Variants in SVOP observed in about 807,000 individuals in gnomAD.
The protein encoded by SVOP is SV2 related protein.
In SVOP, 17 loss-of-function variants were observed where a neutral mutation model predicts 69.1. The ratio of observed to expected loss-of-function variants is 0.25; its 90% CI spans 0.17 to 0.37. The LOEUF (loss-of-function observed/expected upper bound fraction) is 0.37. Among genes scored for constraint, SVOP ranks in the 10% least tolerant of loss-of-function variants. The pLI is 1.00. For synonymous variants in SVOP, 238 were observed against 238.6 expected (o/e 1.00, Z 0.02); for missense variants, 435 against 597.5 (o/e 0.73, Z 2.84).
intron 11 of SVOP, among the ~76,000 whole-genome samples, chr12:108,928,623 G>T (rs566634696): frequency 2.7e-4 from 40 of 149,632 alleles, no homozygotes; most frequent in African/African-American, 9.8e-4. Flanking sequence ...CTGGAATGCA[G>T]TGGTACAATC....
intron 6 of SVOP, among the ~76,000 whole-genome samples, chr12:108,959,046 C>A (rs371189559): frequency 6.6e-6 from 1 of 152,210 alleles, no homozygotes; most frequent in Non-Finnish European, 1.5e-5. Context: ...CATCCTAGAA[C>A]AGGGACCATG....
At chr12:109,006,794 G>A (rs951711648) in intron 1 of SVOP, among the ~76,000 whole-genome samples, 4 of 152,154 alleles carry the variant, frequency 2.6e-5, no homozygotes, top group African/African-American at 7.2e-5. Context: ...GGAAAGGCAC[G>A]CTGGCAGGTG....
At chr12:108,952,220 TTTC>T (rs2039959340) in intron 6 of SVOP, among the ~76,000 whole-genome samples, 1 of 148,150 alleles carries the variant, frequency 6.7e-6, no homozygotes, top group African/African-American at 2.4e-5. Flanking sequence ...TCCACTTTTT[TTTC>T]TTTTCTCTTT....
chr12:108,920,816 C>T (rs1490861759), intron 12 of SVOP, among the ~76,000 whole-genome samples: 1 of 151,998 alleles, frequency 6.6e-6, no homozygotes, highest in Admixed American at 6.6e-5. Context: ...AGGCTGCTCT[C>T]GAACTCCTGA....
intron 1 of SVOP, among the ~76,000 whole-genome samples, chr12:108,984,981 C>A (rs930089491): frequency 1.7e-4 from 26 of 152,202 alleles, no homozygotes; most frequent in African/African-American, 5.1e-4. Context: ...AATCCCAGCA[C>A]TTTGGGAGGC....
chr12:108,968,617 C>G (rs374344910), intron 5 of SVOP, among the ~76,000 whole-genome samples: 4 of 152,082 alleles, frequency 2.6e-5, no homozygotes, highest in Admixed American at 6.6e-5. Context: ...GGTATTTTTA[C>G]TCATTTTCTG....
rs556522208 is a variant in SVOP, at chr12:108,956,158, TG to T, written c.578+4764del. Among the ~76,000 whole-genome samples the T allele has an allele frequency of 2.8e-3, 429 of 151,366 alleles. 2 individuals carry two copies. The highest frequency in any genetic ancestry group is 9.4e-3 in the African/African-American group (387 of 41,382). On this transcript the variant is annotated intron_variant, in intron 6 of 15. Transcript: ENST00000610966. Reference sequence around the variant, plus strand: ...TACTAAAAATACAAAAAAAATTAGCTGGGCGTGGTGTCAGGCGCCTGTAGTC... The same window carrying T: ...TACTAAAAATACAAAAAAAATTAGCTGGCGTGGTGTCAGGCGCCTGTAGTC...
rs1193690177 is a variant in SVOP at position 108,983,699 on chromosome 12, T to C, written c.98A>G (p.Glu33Gly). ...GACCCCTTCAATCTGGACTTCATGCTCTCCTGAAGCCGTGTCGTCCTCTGA... is the reference window on the plus strand; with the variant it reads ...GACCCCTTCAATCTGGACTTCATGCCCTCCTGAAGCCGTGTCGTCCTCTGA... ...ARSEDDTASG[E>G]HEVQIEGVHV... Residue 33 changes from glutamate to glycine, a missense_variant, in exon 2 of 16, where the codon GAG becomes GGG. Transcript: ENST00000610966. 1.0e-5 allele frequency: 4 copies of C among 398,670 alleles called. No individual in the cohort carries two copies. Among genetic ancestry groups the C allele is most frequent in the Admixed American group, 4.4e-5 (1 of 22,718 alleles). 24.7% of individuals were successfully genotyped at this position (398,670 alleles called of 1,614,324 possible).
intron 14 of SVOP, among the ~76,000 whole-genome samples, chr12:108,916,439 T>C (rs933992027): frequency 1.3e-5 from 2 of 152,222 alleles, no homozygotes; most frequent in Non-Finnish European, 2.9e-5. Flanking sequence ...CTTCTCAGCC[T>C]GGGCACTGTG....
chr12:109,002,958 T>TA (rs971080160), intron 1 of SVOP, among the ~76,000 whole-genome samples: 4 of 141,932 alleles, frequency 2.8e-5, no homozygotes, highest in East Asian at 4.1e-4. Flanking sequence ...TAAAGTATAA[T>TA]AAAAAAAATT....
chr12:108,916,016 G>A, intron 14 of SVOP, 144 bp from the exon 15 acceptor site: 1 of 732,114 alleles, frequency 1.4e-6, no homozygotes, highest in Non-Finnish European at 2.1e-6. Flanking sequence ...TAAGGGACAG[G>A]GATCCTCACC....
chr12:108,911,493 G>A lies in SVOP; in HGVS notation c.*1042C>T, dbSNP rs1156866156. On this transcript the variant is annotated 3_prime_UTR_variant, in exon 16 of 16. Transcript: ENST00000610966. ...GGAGGCCGAGGCGGGTGGATCACTT[G>A]AGGTCAGGAGTTCGAGACCAGCCTG... is the stretch of plus-strand genomic sequence containing the variant. 1 of 152,322 alleles carries A rather than the reference G, an allele frequency of 6.6e-6. No individual in the cohort carries two copies. Among genetic ancestry groups the A allele is most frequent in the African/African-American group, 2.4e-5 (1 of 41,426 alleles). 9.4% of individuals were successfully genotyped at this position (152,322 alleles called of 1,614,324 possible). A position where few individuals can be genotyped will look rare whatever the true frequency, so the allele number is the denominator to read the frequency against.
At position 108,911,782 on chromosome 12, in the gene SVOP, C is replaced by G. The variant is rs1280840461; in HGVS notation, c.*753G>C. Reference sequence around the variant, plus strand: ...CCTTCGCTGCTTCAGAAGGGGAGGCCCGTGCTCTGACTTCAGCTTGATTCA... The same window carrying G: ...CCTTCGCTGCTTCAGAAGGGGAGGCGCGTGCTCTGACTTCAGCTTGATTCA... On this transcript the variant is annotated 3_prime_UTR_variant, in exon 16 of 16. Coordinates refer to ENST00000610966, the MANE Select transcript of SVOP (RefSeq NM_018711.5). 6.6e-6 allele frequency: 1 copy of G among 152,198 alleles called. No homozygotes were observed. Among genetic ancestry groups the G allele is most frequent in the Non-Finnish European group, 1.5e-5 (1 of 68,090 alleles). The allele number at this position is 152,198 out of a possible 1,614,324, so 9.4% of individuals were successfully genotyped here.
At chr12:108,955,752 C>G (rs1328499769) in intron 6 of SVOP, among the ~76,000 whole-genome samples, 1 of 152,228 alleles carries the variant, frequency 6.6e-6, no homozygotes, top group Non-Finnish European at 1.5e-5. Context: ...AAGCCTTCAG[C>G]AGATCAAATG....
In SVOP at chr12:108,909,023, T is replaced by G. The variant is rs1374474889; in HGVS notation, c.*3512A>C. 8 of 152,236 alleles carry G rather than the reference T, an allele frequency of 5.3e-5. No homozygotes were observed. The highest frequency in any genetic ancestry group is 1.9e-4 in the African/African-American group (8 of 41,458). 9.4% of individuals were successfully genotyped at this position (152,236 alleles called of 1,614,324 possible). A position where few individuals can be genotyped will look rare whatever the true frequency, so the allele number is the denominator to read the frequency against. On this transcript the variant is annotated 3_prime_UTR_variant, in exon 16 of 16. Coordinates refer to ENST00000610966, the MANE Select transcript of SVOP (RefSeq NM_018711.5). ...TTTTATGACTGCTCCTTTCCCATTC[T>G]ACCTTCTTTGAAAAGAAATATGATG... is the stretch of plus-strand genomic sequence containing the variant.
chr12:108,939,545 G>A (rs28694684), intron 8 of SVOP, among the ~76,000 whole-genome samples: 19,930 of 152,172 alleles, frequency 0.13, 1,563 homozygotes, highest in East Asian at 0.35. Context: ...GAAACAGCAG[G>A]TATACTGGAG....
chr12:109,005,789 A>G (rs971190332), intron 1 of SVOP, among the ~76,000 whole-genome samples: 3 of 152,116 alleles, frequency 2.0e-5, no homozygotes. Context: ...CCACACAAAT[A>G]GGGGAGGAGT....
In SVOP at chr12:108,912,061, A is replaced by G. The variant is rs2039686948; in HGVS notation, c.*474T>C. The G allele has an allele frequency of 1.6e-6, 1 of 620,162 alleles. No homozygotes were observed. Among genetic ancestry groups the G allele is most frequent in the African/African-American group, 2.0e-5 (1 of 50,222 alleles). 38.4% of individuals were successfully genotyped at this position (620,162 alleles called of 1,614,324 possible). A position where few individuals can be genotyped will look rare whatever the true frequency, so the allele number is the denominator to read the frequency against. On this transcript the variant is annotated 3_prime_UTR_variant, in exon 16 of 16. Coordinates refer to ENST00000610966, the MANE Select transcript of SVOP (RefSeq NM_018711.5). Reference sequence around the variant, plus strand: ...AAATAGCTGCTCAGACCACACCTAGATCGCCTGCAATTTCAAAGAAGAAAG... The same window carrying G: ...AAATAGCTGCTCAGACCACACCTAGGTCGCCTGCAATTTCAAAGAAGAAAG...
At chr12:108,984,687 G>C (rs987999083) in intron 1 of SVOP, among the ~76,000 whole-genome samples, 179 of 152,260 alleles carry the variant, frequency 1.2e-3, no homozygotes, top group Admixed American at 2.2e-3. Flanking sequence ...TCCTCTGCAA[G>C]AAGCTTTGAT....
Sources: gnomAD v4.1 joint callset for allele counts (sites outside exome capture counted in the v4.1 genomes callset) on GRCh38, gnomAD v4.1.1 for gene constraint, MANE v1.5 for transcripts, NCBI Gene and HGNC (gene_info 2026-07-23, HGNC 2026-07-21) for gene names.